Variants in RTN3 observed in about 807,000 individuals in gnomAD.
RTN3 encodes the protein reticulon-3.
RTN3 carries 49 observed loss-of-function variants against 77.8 expected under a neutral mutation model. That is an observed-to-expected ratio of 0.63 (90% CI 0.50 to 0.80). The LOEUF is 0.80. Ranked by LOEUF, RTN3 falls within the 30% of genes least tolerant of loss-of-function variation. The pLI is 0.00. For synonymous variants in RTN3, 464 were observed against 446.9 expected, an observed-to-expected ratio of 1.04 and a Z score of -0.48; for missense variants, 1,236 against 1,211.9, an observed-to-expected ratio of 1.02 and a Z score of -0.29.
intron 1 of RTN3, among the ~76,000 whole-genome samples, chr11:63,688,235 T>TC (rs1399219219): frequency 6.6e-6 from 1 of 150,970 alleles, no homozygotes; most frequent in East Asian, 1.9e-4. Context: ...TTTTTTTTTT[T>TC]TTTTTTGAGA....
rs771946088 is a variant in RTN3, at chr11:63,719,449, C to T, written c.947C>T (p.Ser316Leu). 1.9e-6 allele frequency: 3 copies of T among 1,614,060 alleles called. No homozygotes were observed. The South Asian group carries it at 3.3e-5, about 18-fold the overall frequency. Residue 316 changes from serine to leucine, a missense_variant, in exon 3 of 9, where the codon TCA becomes TTA. Coordinates refer to ENST00000377819, the MANE Select transcript of RTN3 (RefSeq NM_001265589.2). ...PMSALLSRQFSHTNAALEEVS... is the reference protein window; with the variant it reads ...PMSALLSRQFLHTNAALEEVS... The stretch of plus-strand genomic sequence containing the variant: ...TCTGCATTGCTCAGTAGGCAGTTTT[C>T]ACACACAAATGCAGCACTGGAAGAG...
intron 3 of RTN3, among the ~76,000 whole-genome samples, chr11:63,736,901 TA>T (rs1339500699): frequency 6.6e-6 from 1 of 151,772 alleles, no homozygotes; most frequent in Non-Finnish European, 1.5e-5. Flanking sequence ...TGTCCACAGT[TA>T]GGGGCAGGGG....
chr11:63,724,905 A>G (rs2012127455), intron 3 of RTN3, among the ~76,000 whole-genome samples: 1 of 151,826 alleles, frequency 6.6e-6, no homozygotes, highest in South Asian at 2.1e-4. Context: ...TTGGTTGAGT[A>G]TATTATGGTA....
chr11:63,733,988 T>C (rs1204213475), intron 3 of RTN3, among the ~76,000 whole-genome samples: 2 of 152,124 alleles, frequency 1.3e-5, no homozygotes, highest in African/African-American at 4.8e-5. Flanking sequence ...TGAGATCCTG[T>C]TTCTAAAATT....
intron 1 of RTN3, among the ~76,000 whole-genome samples, chr11:63,693,623 A>G (rs11231561): frequency 1.4e-4 from 22 of 152,348 alleles, no homozygotes; most frequent in African/African-American, 4.3e-4. Flanking sequence ...CGTAATTTCT[A>G]TAAGACCTCT....
intron 3 of RTN3, among the ~76,000 whole-genome samples, chr11:63,731,685 G>T (rs1041786952): frequency 6.6e-6 from 1 of 151,604 alleles, no homozygotes; most frequent in East Asian, 1.9e-4. Flanking sequence ...ATGAACTCTC[G>T]CTCTGTCACC....
chr11:63,749,490 CCTAA>C (rs1590887087), intron 3 of RTN3, among the ~76,000 whole-genome samples: 2 of 152,130 alleles, frequency 1.3e-5, no homozygotes, highest in Non-Finnish European at 2.9e-5. Flanking sequence ...AGTCTGTTCA[CCTAA>C]CTAATTTATA....
chr11:63,693,864 G>T (rs1941794718), intron 1 of RTN3, among the ~76,000 whole-genome samples: 1 of 152,214 alleles, frequency 6.6e-6, no homozygotes, highest in Admixed American at 6.5e-5. Flanking sequence ...GCTCATGCCT[G>T]TAATCTCAGC....
chr11:63,720,547 C>T lies in RTN3; in HGVS notation c.2045C>T (p.Thr682Ile). 6.2e-7 allele frequency: 1 copy of T among 1,614,014 alleles called. No homozygotes were observed. The highest frequency in any genetic ancestry group is 1.1e-5 in the South Asian group (1 of 91,080). ...NAFKAISEKMTDFKTTPPVEV... is the reference protein window; with the variant it reads ...NAFKAISEKMIDFKTTPPVEV... ...TTTAAAGCAATATCAGAGAAGATGA[C>T]AGACTTTAAAACAACTCCTCCTGTA... The change falls in exon 3 of 9, where the codon ACA becomes ATA. Residue 682 changes from threonine to isoleucine, a missense_variant. Physicochemically the swap from Thr to Ile is moderately conservative, Grantham distance 89. Transcript: ENST00000377819.
chr11:63,720,444 G>C lies in RTN3; in HGVS notation c.1942G>C (p.Asp648His), dbSNP rs1267236508. The C allele has an allele frequency of 1.2e-6, 2 of 1,613,248 alleles. No homozygotes were observed. Among genetic ancestry groups the C allele is most frequent in the African/African-American group, 1.3e-5 (1 of 74,864 alleles). The change falls in exon 3 of 9, where the codon GAT becomes CAT. Residue 648 changes from aspartate (D) to histidine (H), a missense_variant. Asp to His is a moderately conservative substitution (Grantham distance 81). Coordinates refer to ENST00000377819, the MANE Select transcript of RTN3 (RefSeq NM_001265589.2). Reference protein sequence around the residue: ...LHGKNVKHIDDSSPEDLIAAF... With the variant: ...LHGKNVKHIDHSSPEDLIAAF... ...TGGGAAAAATGTTAAACATATAGATGATTCCTCCCCAGAGGACCTGATAGC... is the reference window on the plus strand; with the variant it reads ...TGGGAAAAATGTTAAACATATAGATCATTCCTCCCCAGAGGACCTGATAGC...
At chr11:63,692,435 C>T (rs1941710727) in intron 1 of RTN3, among the ~76,000 whole-genome samples, 1 of 152,062 alleles carries the variant, frequency 6.6e-6, no homozygotes, top group Non-Finnish European at 1.5e-5. Flanking sequence ...ATGTCCCCAC[C>T]CCTGCAACCC....
intron 2 of RTN3, 31 bp from the exon 3 acceptor site, chr11:63,718,671 A>T (rs1309921683): frequency 6.6e-7 from 1 of 1,508,462 alleles, no homozygotes; most frequent in African/African-American, 1.4e-5. Flanking sequence ...TACCTGGTAA[A>T]CAATTTTTTT....
intron 3 of RTN3, among the ~76,000 whole-genome samples, chr11:63,728,081 G>T (rs867291036): frequency 1.1e-4 from 16 of 152,180 alleles, no homozygotes; most frequent in Non-Finnish European, 1.5e-4. Context: ...AAAGGACATA[G>T]GTTAGAATTG....
chr11:63,710,439 C>G (rs1230081051), intron 2 of RTN3, among the ~76,000 whole-genome samples: 1 of 152,106 alleles, frequency 6.6e-6, no homozygotes, highest in Admixed American at 6.5e-5. Flanking sequence ...ATTTCTTCCT[C>G]AATTCCCATA....
In RTN3 at chr11:63,681,752, C is replaced by G. The variant is rs772861103; in HGVS notation, c.116C>G (p.Thr39Arg). ...CCAGGAGCCTGCCCCGCCCTGGGGACGAAGAGCTGCAGCTCCTCCTGTGCG... is the reference window on the plus strand; with the variant it reads ...CCAGGAGCCTGCCCCGCCCTGGGGAGGAAGAGCTGCAGCTCCTCCTGTGCG... ...GSPGACPALG[T>R]KSCSSSCADS... is the part of the protein sequence containing the mutation. Residue 39 changes from threonine to arginine, a missense_variant, in exon 1 of 9, where the codon ACG becomes AGG. By Grantham distance (71) the Thr-to-Arg change is moderately conservative. This residue lies in a region of RTN3 where 1,056 missense variants were observed against 990.4 expected (regional missense o/e 1.07). Coordinates refer to ENST00000377819, the MANE Select transcript of RTN3 (RefSeq NM_001265589.2). The G allele has an allele frequency of 6.9e-6, 11 of 1,602,524 alleles. No individual in the cohort carries two copies.
At chr11:63,740,589 G>A (rs904208313) in intron 3 of RTN3, among the ~76,000 whole-genome samples, 3 of 150,764 alleles carry the variant, frequency 2.0e-5, no homozygotes, top group Non-Finnish European at 2.9e-5. Flanking sequence ...GAGCCACCGC[G>A]CCTGGCCTTT....
intron 1 of RTN3, among the ~76,000 whole-genome samples, chr11:63,688,639 A>G (rs1487004040): frequency 2.6e-5 from 4 of 152,134 alleles, no homozygotes; most frequent in Non-Finnish European, 5.9e-5. Context: ...CTTACCCTAA[A>G]TTGTCATTTC....
In RTN3 at chr11:63,719,253, A is replaced by G. The variant is rs1415124871; in HGVS notation, c.751A>G (p.Ile251Val). 1 of 1,614,132 alleles carries G rather than the reference A, an allele frequency of 6.2e-7. No individual in the cohort carries two copies. Among genetic ancestry groups the G allele is most frequent in the South Asian group, 1.1e-5 (1 of 91,074 alleles). Residue 251 changes from isoleucine (I) to valine (V), a missense_variant, in exon 3 of 9, where the codon ATT becomes GTT. Physicochemically the swap from Ile to Val is conservative, Grantham distance 29. Coordinates refer to ENST00000377819, the MANE Select transcript of RTN3 (RefSeq NM_001265589.2). ...KDSPESPFEVIIDKAAFDKEF... is the reference protein window; with the variant it reads ...KDSPESPFEVVIDKAAFDKEF... ...TTCCCCTGAATCACCATTTGAAGTA[A>G]TTATTGACAAAGCAGCATTTGACAA...
chr11:63,709,446 G>T (rs1365839422), intron 2 of RTN3, among the ~76,000 whole-genome samples: 5 of 152,028 alleles, frequency 3.3e-5, no homozygotes, highest in Non-Finnish European at 7.4e-5. Context: ...CCACCATGCC[G>T]CATTGGAAGC....
Sources: gnomAD v4.1 joint callset for allele counts (sites outside exome capture counted in the v4.1 genomes callset) on GRCh38, gnomAD v4.1.1 for gene constraint, gnomAD v4.1.1 regional missense constraint, MANE v1.5 for transcripts, NCBI Gene and HGNC (gene_info 2026-07-23, HGNC 2026-07-21) for gene names.